Variants in TENM3 observed in about 807,000 individuals in gnomAD.
TENM3 encodes the protein teneurin transmembrane protein 3, also known as teneurin-3.
A neutral mutation model predicts 255.1 loss-of-function variants in TENM3; 63 were observed. The ratio of observed to expected loss-of-function variants is 0.25; its 90% CI spans 0.20 to 0.30. The LOEUF (loss-of-function observed/expected upper bound fraction) is 0.30. TENM3 is among the 10% of genes least tolerant of loss of function. The pLI is 1.00. For missense variants in TENM3, 2,929 were observed against 3,461.1 expected (o/e 0.85, Z 3.86); for synonymous variants, 1,306 against 1,322.3 (o/e 0.99, Z 0.27).
At chr4:181,604,195 G>A in the TENM3 span, among the ~76,000 whole-genome samples, 2 of 152,140 alleles carry the variant, frequency 1.3e-5, no homozygotes, top group Non-Finnish European at 2.9e-5. Context: ...AACCCGGGAG[G>A]CGGAGCTTGC....
intron 2 of TENM3, among the ~76,000 whole-genome samples, chr4:182,332,684 A>T (rs1236416616): frequency 1.3e-5 from 2 of 150,766 alleles, no homozygotes; most frequent in Non-Finnish European, 2.9e-5. Context: ...ACAGAGCAAG[A>T]CTCCATCTCA....
chr4:181,589,428 A>G, the TENM3 span, among the ~76,000 whole-genome samples: 1 of 152,204 alleles, frequency 6.6e-6, no homozygotes, highest in African/African-American at 2.4e-5. Context: ...ATTGAATGCT[A>G]TGTACAATAT....
At chr4:182,207,441 C>G (rs150226739) in intron 1 of TENM3, among the ~76,000 whole-genome samples, 1 of 152,296 alleles carries the variant, frequency 6.6e-6, no homozygotes, top group African/African-American at 2.4e-5. Context: ...AAACAGGACT[C>G]CAAAGCTTAA....
chr4:182,325,958 C>T (rs2675531), intron 2 of TENM3, among the ~76,000 whole-genome samples: 116,973 of 152,052 alleles, frequency 0.77, 46,000 homozygotes, highest in Non-Finnish European at 0.85. Context: ...CTTGATCCAG[C>T]GCAGACTGTT....
chr4:181,571,542 T>G, the TENM3 span, among the ~76,000 whole-genome samples: 1 of 152,126 alleles, frequency 6.6e-6, no homozygotes. Context: ...CTCTCCATAT[T>G]GCCCAGGCTG....
At chr4:181,611,767 C>T in the TENM3 span, among the ~76,000 whole-genome samples, 3 of 152,142 alleles carry the variant, frequency 2.0e-5, no homozygotes, top group African/African-American at 7.2e-5. Flanking sequence ...TTACTTCATC[C>T]TCACTAATTC....
rs573477184 is a variant in TENM3, at chr4:182,445,616, T to TA, written c.511+98687_511+98688insA. 2.7e-4 allele frequency among the ~76,000 whole-genome samples: 41 copies of TA among 152,256 alleles called. No individual in the cohort carries two copies. The East Asian group carries it at 6.4e-3, about 24-fold the overall frequency. On this transcript the variant is annotated intron_variant, in intron 3 of 27. Coordinates refer to ENST00000511685, the MANE Select transcript of TENM3 (RefSeq NM_001080477.4). Reference sequence around the variant, plus strand: ...AGCTCATTTGTGGACTTTTTATTTTTTTTTTTAAATACAATTTGCTTTGAT... The same window carrying TA: ...AGCTCATTTGTGGACTTTTTATTTTTATTTTTTAAATACAATTTGCTTTGAT...
chr4:181,570,110 A>T, the TENM3 span, among the ~76,000 whole-genome samples: 1 of 149,210 alleles, frequency 6.7e-6, no homozygotes, highest in Admixed American at 6.7e-5. Context: ...CAGTGGCACA[A>T]TCTCGGCTCA....
At position 182,681,796 on chromosome 4, in the gene TENM3, T is replaced by C; in HGVS notation, c.1835-18T>C. On this transcript the variant is annotated intron_variant, in intron 10 of 27. Transcript: ENST00000511685. ...ATATCTTCTGGATTTAATAAAATTG[T>C]TCTTTTCTTTACACCAGCTGACTGT... 1.3e-6 allele frequency: 2 copies of C among 1,584,196 alleles called. No homozygotes were observed. Among genetic ancestry groups the C allele is most frequent in the African/African-American group, 1.3e-5 (1 of 74,526 alleles).
At chr4:182,351,159 T>C (rs13148469) in intron 3 of TENM3, among the ~76,000 whole-genome samples, 93,446 of 151,702 alleles carry the variant, frequency 0.62, 29,274 homozygotes, top group South Asian at 0.68. Context: ...AGTAACTCAG[T>C]GTCAAGAGAT....
At chr4:182,044,346 T>C in the TENM3 span, among the ~76,000 whole-genome samples, 2 of 152,356 alleles carry the variant, frequency 1.3e-5, no homozygotes, top group African/African-American at 4.8e-5. Context: ...TGTCCTGATT[T>C]ACAGCAGATC....
At chr4:182,545,361 C>A (rs1254420419) in intron 3 of TENM3, among the ~76,000 whole-genome samples, 1 of 152,030 alleles carries the variant, frequency 6.6e-6, no homozygotes, top group Non-Finnish European at 1.5e-5. Flanking sequence ...TTAAATATTT[C>A]CACTTGCCTT....
At chr4:182,178,161 G>A (rs577754162) in intron 1 of TENM3, among the ~76,000 whole-genome samples, 2 of 152,094 alleles carry the variant, frequency 1.3e-5, no homozygotes, top group Admixed American at 6.5e-5. Flanking sequence ...ATACGTGATC[G>A]AATTGCCCAT....
chr4:181,660,991 C>T, the TENM3 span, among the ~76,000 whole-genome samples: 9 of 151,998 alleles, frequency 5.9e-5, no homozygotes, highest in African/African-American at 1.4e-4. Context: ...CTAGGAGCAC[C>T]GCAGATATGT....
the TENM3 span, among the ~76,000 whole-genome samples, chr4:181,967,968 G>A: frequency 6.6e-6 from 1 of 152,078 alleles, no homozygotes; most frequent in Non-Finnish European, 1.5e-5. Context: ...CTATGGCCAG[G>A]GAGTGTGCAT....
the TENM3 span, among the ~76,000 whole-genome samples, chr4:182,080,038 A>G: frequency 6.6e-6 from 1 of 152,246 alleles, no homozygotes; most frequent in African/African-American, 2.4e-5. Flanking sequence ...TGTTAGATGT[A>G]AAACAATCCA....
chr4:182,712,947 G>C (rs989261178), intron 12 of TENM3, among the ~76,000 whole-genome samples: 4 of 152,178 alleles, frequency 2.6e-5, no homozygotes, highest in African/African-American at 7.2e-5. Context: ...GCTTCTGTCA[G>C]TGTCATATCA....
the TENM3 span, among the ~76,000 whole-genome samples, chr4:181,865,162 G>A: frequency 6.6e-6 from 1 of 152,162 alleles, no homozygotes; most frequent in Admixed American, 6.6e-5. Flanking sequence ...GAGTAACAAG[G>A]CAAGCTGTGC....
chr4:181,652,302 A>G, the TENM3 span, among the ~76,000 whole-genome samples: 1 of 152,318 alleles, frequency 6.6e-6, no homozygotes, highest in East Asian at 1.9e-4. Context: ...TGCAGAAGTC[A>G]GTAAGGGCAC....
Sources: allele counts gnomAD v4.1 joint callset (sites outside exome capture counted in the v4.1 genomes callset), GRCh38; gene constraint gnomAD v4.1.1; transcripts MANE v1.5; gene names NCBI Gene and HGNC (gene_info 2026-07-23, HGNC 2026-07-21).